Variants in INTS7 observed in about 807,000 individuals in gnomAD.
INTS7 encodes integrator complex subunit 7, also known as chromosome 1 open reading frame 73.
INTS7 carries 46 observed loss-of-function variants against 109.2 expected under a neutral mutation model. The ratio of observed to expected loss-of-function variants is 0.42; its 90% CI spans 0.33 to 0.54. INTS7 has a LOEUF of 0.54. Among genes scored for constraint, INTS7 ranks in the 20% least tolerant of loss-of-function variants. INTS7 has a pLI of 0.07. For missense variants in INTS7, 929 were observed against 1,132.4 expected (o/e 0.82, Z 2.58); for synonymous variants, 412 against 402.9 (o/e 1.02, Z -0.27).
chr1:212,002,645 T>C (rs1665722932), intron 7 of INTS7, among the ~76,000 whole-genome samples: 2 of 152,214 alleles, frequency 1.3e-5, no homozygotes, highest in Non-Finnish European at 2.9e-5. Flanking sequence ...TTCCCTTCTT[T>C]AGGTCTTTGC....
At position 211,949,342 on chromosome 1, in the gene INTS7, T is replaced by G. The variant is rs140938757; in HGVS notation, c.2317-2637A>C. The stretch of plus-strand genomic sequence containing the variant: ...AACTGCAACGTATTTACTATCCAAC[T>G]GCCTAAAGACAGCAACATGTTTGAA... On this transcript the variant is annotated intron_variant, in intron 17 of 19. Coordinates refer to ENST00000366994, the MANE Select transcript of INTS7 (RefSeq NM_015434.4). 2.6e-5 allele frequency among the ~76,000 whole-genome samples: 4 copies of G among 152,306 alleles called. No individual in the cohort carries two copies. The East Asian group carries it at 7.7e-4, about 29-fold the overall frequency.
chr1:211,974,276 AATAT>A (rs58474002), intron 13 of INTS7, among the ~76,000 whole-genome samples: 1 of 92,420 alleles, frequency 1.1e-5, no homozygotes, highest in African/African-American at 4.2e-5. Flanking sequence ...AGAAAAAAAA[AATAT>A]ATATATATAT....
intron 16 of INTS7, among the ~76,000 whole-genome samples, chr1:211,964,080 T>A (rs1663764500): frequency 6.6e-6 from 1 of 152,090 alleles, no homozygotes. Flanking sequence ...TGATACTATA[T>A]CTAGGAAAGC....
At chr1:211,947,830 A>T (rs969788558) in intron 17 of INTS7, among the ~76,000 whole-genome samples, 15 of 152,196 alleles carry the variant, frequency 9.9e-5, no homozygotes, top group African/African-American at 3.6e-4. Context: ...GCACTTAAGC[A>T]CTCACGGTAC....
At chr1:212,031,336 A>G (rs1000269528) in intron 1 of INTS7, among the ~76,000 whole-genome samples, 2 of 152,244 alleles carry the variant, frequency 1.3e-5, no homozygotes. Flanking sequence ...TTAGTGAAAA[A>G]GTTACACTAA....
intron 7 of INTS7, among the ~76,000 whole-genome samples, chr1:211,995,697 T>G (rs1665349999): frequency 6.6e-6 from 1 of 152,228 alleles, no homozygotes; most frequent in Non-Finnish European, 1.5e-5. Flanking sequence ...GCTGAAATCC[T>G]AACCGCCAAG....
intron 7 of INTS7, among the ~76,000 whole-genome samples, chr1:211,996,008 GGAGT>G (rs1665366839): frequency 6.6e-6 from 1 of 152,072 alleles, no homozygotes; most frequent in South Asian, 2.1e-4. Flanking sequence ...AATATAAACT[GGAGT>G]GAGAAACTAA....
chr1:212,010,670 G>A (rs1016357248), intron 5 of INTS7, among the ~76,000 whole-genome samples: 1 of 152,068 alleles, frequency 6.6e-6, no homozygotes, highest in Non-Finnish European at 1.5e-5. Context: ...TAACACCACA[G>A]TGCAATATAT....
intron 16 of INTS7, among the ~76,000 whole-genome samples, chr1:211,957,470 T>C (rs1047337003): frequency 2.0e-5 from 3 of 151,862 alleles, no homozygotes; most frequent in Admixed American, 2.0e-4. Flanking sequence ...CGCTTGAACC[T>C]GGGAGGTGGA....
At chr1:212,023,859 T>G (rs1477775410) in intron 1 of INTS7, among the ~76,000 whole-genome samples, 1 of 152,002 alleles carries the variant, frequency 6.6e-6, no homozygotes, top group African/African-American at 2.4e-5. Context: ...AGGTCTTACA[T>G]TTGAATATTT....
At chr1:211,945,482 G>A (rs1662809148) in intron 18 of INTS7, among the ~76,000 whole-genome samples, 1 of 152,180 alleles carries the variant, frequency 6.6e-6, no homozygotes, top group South Asian at 2.1e-4. Context: ...CTTCAAAAAT[G>A]TATTAAAAAT....
At chr1:211,969,313 T>C (rs994238206) in intron 13 of INTS7, among the ~76,000 whole-genome samples, 7 of 150,174 alleles carry the variant, frequency 4.7e-5, no homozygotes, top group African/African-American at 1.7e-4. Context: ...AAGAAGATAA[T>C]CGCATAAGGG....
intron 1 of INTS7, chr1:212,025,805 C>T (rs767829804): frequency 1.3e-5 from 2 of 152,058 alleles, no homozygotes; most frequent in African/African-American, 2.4e-5. Flanking sequence ...TATGTCCTCA[C>T]AGGAATAAGT....
In INTS7 at chr1:211,959,476, T is replaced by A. The variant is rs1477620694; in HGVS notation, c.2184-6775A>T. 1.3e-5 allele frequency among the ~76,000 whole-genome samples: 2 copies of A among 152,114 alleles called. No individual in the cohort carries two copies. The highest frequency in any genetic ancestry group is 2.4e-5 in the African/African-American group (1 of 41,412). On this transcript the variant is annotated intron_variant, in intron 16 of 19. Coordinates refer to ENST00000366994, the MANE Select transcript of INTS7 (RefSeq NM_015434.4). This position sits in a 1 kb window ranked among gnomAD's most constrained non-coding sequence, Gnocchi z 4.2. The stretch of plus-strand genomic sequence containing the variant: ...AGCACAGCGGCCCAGCATGTGGACA[T>A]GGGCCGGCTCACCTGCTCCCTCCCC...
At chr1:211,960,596 C>T (rs1663577665) in intron 16 of INTS7, among the ~76,000 whole-genome samples, 4 of 152,022 alleles carry the variant, frequency 2.6e-5, no homozygotes, top group Admixed American at 2.6e-4. Flanking sequence ...CAAGAATAAC[C>T]AGTATAAAAA....
At chr1:212,019,240 G>C (rs1666584797) in intron 3 of INTS7, among the ~76,000 whole-genome samples, 2 of 152,102 alleles carry the variant, frequency 1.3e-5, no homozygotes, top group East Asian at 3.9e-4. Flanking sequence ...GACAGAGCAA[G>C]ACTCCATCTC....
intron 7 of INTS7, among the ~76,000 whole-genome samples, chr1:212,005,040 A>G (rs1665842582): frequency 1.3e-5 from 2 of 152,230 alleles, no homozygotes; most frequent in Non-Finnish European, 2.9e-5. Flanking sequence ...TCCCAGGTAT[A>G]CACTCTAAAG....
rs139768234 is a variant in INTS7 at position 212,007,382 on chromosome 1, T to C, written c.624A>G (p.Ala208=). The C allele has an allele frequency of 1.2e-6, 2 of 1,613,948 alleles. No individual in the cohort carries two copies. The highest frequency in any genetic ancestry group is 1.7e-5 in the Admixed American group (1 of 60,006). ...IPILQHMHHD[A]ILASSARQLL... The stretch of plus-strand genomic sequence containing the variant: ...GCTGACGAGCACTGGAAGCCAAGAT[T>C]GCATCATGGTGCATGTGCTGTAGAA... Residue 208 remains alanine (A), a synonymous_variant, in exon 6 of 20, where the codon GCA becomes GCG. Transcript: ENST00000366994.
At chr1:212,030,286 A>AT (rs1335345498) in intron 1 of INTS7, among the ~76,000 whole-genome samples, 2 of 148,134 alleles carry the variant, frequency 1.4e-5, no homozygotes, top group South Asian at 2.2e-4. Flanking sequence ...ATTCTACATG[A>AT]TTTTTTGTTT....
Sources: gnomAD v4.1 joint callset for allele counts (sites outside exome capture counted in the v4.1 genomes callset) on GRCh38, gnomAD v4.1.1 for gene constraint, Gnocchi (gnomAD v3.1) non-coding constraint, MANE v1.5 for transcripts, NCBI Gene and HGNC (gene_info 2026-07-23, HGNC 2026-07-21) for gene names.